The following PPP6C variants were observed in gnomAD, a reference collection of about 807,000 sequenced individuals.
PPP6C encodes protein phosphatase 6 catalytic subunit, also known as serine/threonine-protein phosphatase 6 catalytic subunit.
In PPP6C, 11 loss-of-function variants were observed where a neutral mutation model predicts 39.8. That is an observed-to-expected ratio of 0.28 (90% CI 0.17 to 0.46). The LOEUF is 0.46. Among genes scored for constraint, PPP6C ranks in the 20% least tolerant of loss-of-function variants. The probability of loss-of-function intolerance (pLI) is 1.00; values close to 1 mark genes in which losing one functional copy is unlikely to be tolerated. For missense variants in PPP6C, 211 were observed against 373.9 expected, an observed-to-expected ratio of 0.56 and a Z score of 3.59; for synonymous variants, 129 against 130.3, an observed-to-expected ratio of 0.99 and a Z score of 0.07.
intron 3 of PPP6C, among the ~76,000 whole-genome samples, chr9:125,159,820 C>A (rs1334746486): frequency 6.6e-6 from 1 of 152,088 alleles, no homozygotes; most frequent in Non-Finnish European, 1.5e-5. Flanking sequence ...TCAAGAGATC[C>A]AGACCATCCT....
chr9:125,155,061 C>T (rs1836035434), intron 4 of PPP6C, among the ~76,000 whole-genome samples: 1 of 152,176 alleles, frequency 6.6e-6, no homozygotes. Flanking sequence ...GCAAGTGCCA[C>T]CACACCTGGC....
At chr9:125,179,611 G>A (rs912662349) in intron 1 of PPP6C, among the ~76,000 whole-genome samples, 2 of 151,176 alleles carry the variant, frequency 1.3e-5, no homozygotes, top group African/African-American at 2.4e-5. Flanking sequence ...CCCTAGACAT[G>A]GGCTTGGCTA....
In PPP6C at chr9:125,158,444, T is replaced by C. The variant is rs1442148237; in HGVS notation, c.238-62A>G. On this transcript the variant is annotated intron_variant, in intron 3 of 6. Transcript: ENST00000373547. Reference sequence around the variant, plus strand: ...TAGCCACAATATTCTTTTCAAATTATATCAAACTGTACAAACATATAGTTT... The same window carrying C: ...TAGCCACAATATTCTTTTCAAATTACATCAAACTGTACAAACATATAGTTT... The C allele has an allele frequency of 3.4e-6, 5 of 1,486,610 alleles. No individual in the cohort carries two copies. In the African/African-American group the frequency reaches 4.2e-5, roughly 12 times the overall value. 92.1% of individuals were successfully genotyped at this position (1,486,610 alleles called of 1,614,324 possible). A position where few individuals can be genotyped will look rare whatever the true frequency, so the allele number is the denominator to read the frequency against.
At chr9:125,171,871 T>C in intron 1 of PPP6C, 1 of 459,448 alleles carries the variant, frequency 2.2e-6, no homozygotes, top group African/African-American at 2.0e-5. Flanking sequence ...GATTTTTATC[T>C]GGTAATTTAA....
At chr9:125,166,199 C>A (rs371031808) in intron 2 of PPP6C, among the ~76,000 whole-genome samples, 5 of 152,120 alleles carry the variant, frequency 3.3e-5, no homozygotes, top group African/African-American at 7.2e-5. Flanking sequence ...CATTTTATAT[C>A]ATCAAAAAAC....
At position 125,149,595 on chromosome 9, in the gene PPP6C, G is replaced by C; in HGVS notation, c.*78C>G. The C allele has an allele frequency of 6.8e-7, 1 of 1,462,406 alleles. No individual in the cohort carries two copies. 90.6% of individuals were successfully genotyped at this position (1,462,406 alleles called of 1,614,324 possible). On this transcript the variant is annotated 3_prime_UTR_variant, in exon 7 of 7. Coordinates refer to ENST00000373547, the MANE Select transcript of PPP6C (RefSeq NM_002721.5). ...TCAGCAGCAAAGTGCTCAATAAAAA[G>C]TATATTGTAGAGGGTAATACAAGAA...
chr9:125,155,821 C>T (rs1836055344), intron 4 of PPP6C, among the ~76,000 whole-genome samples: 1 of 149,538 alleles, frequency 6.7e-6, no homozygotes, highest in Non-Finnish European at 1.5e-5. Context: ...AGGAGAATGG[C>T]GTGAACCCAG....
chr9:125,154,763 C>T (rs190889187), intron 4 of PPP6C, among the ~76,000 whole-genome samples: 2 of 152,310 alleles, frequency 1.3e-5, no homozygotes, highest in Admixed American at 6.5e-5. Flanking sequence ...CTTCTCAGGG[C>T]TAAGTTGTCT....
chr9:125,154,890 C>T (rs1265772349), intron 4 of PPP6C, among the ~76,000 whole-genome samples: 1 of 152,158 alleles, frequency 6.6e-6, no homozygotes, highest in Non-Finnish European at 1.5e-5. Flanking sequence ...CTTTCTGCTG[C>T]CTACGTAGTT....
chr9:125,166,265 A>C (rs1479859296), intron 2 of PPP6C, among the ~76,000 whole-genome samples: 4 of 152,190 alleles, frequency 2.6e-5, no homozygotes, highest in Non-Finnish European at 5.9e-5. Flanking sequence ...TAAGTGTCGG[A>C]AACTGTTAGC....
chr9:125,181,568 G>A (rs754492114), intron 1 of PPP6C, among the ~76,000 whole-genome samples: 4 of 151,982 alleles, frequency 2.6e-5, no homozygotes, highest in Non-Finnish European at 4.4e-5. Context: ...TCCCGCTTAC[G>A]AGTGAGAACA....
At chr9:125,160,800 C>T (rs766788739) in intron 3 of PPP6C, 41 bp downstream of exon 3, 3 of 1,365,624 alleles carry the variant, frequency 2.2e-6, no homozygotes, top group South Asian at 1.3e-5. Flanking sequence ...CAGATCCTTT[C>T]CATTTTAAAC....
chr9:125,182,782 C>T (rs1390425699), intron 1 of PPP6C, among the ~76,000 whole-genome samples: 1 of 149,278 alleles, frequency 6.7e-6, no homozygotes, highest in Non-Finnish European at 1.5e-5. Context: ...CCCACCCCTC[C>T]CCTGACCCAG....
chr9:125,157,720 C>T (rs1375694404), intron 4 of PPP6C, among the ~76,000 whole-genome samples: 1 of 136,824 alleles, frequency 7.3e-6, no homozygotes, highest in Non-Finnish European at 1.5e-5. Flanking sequence ...GAGACGGAGT[C>T]TCCCTATGTC....
chr9:125,165,795 CTTTT>C (rs781221037), intron 2 of PPP6C, among the ~76,000 whole-genome samples: 3 of 113,616 alleles, frequency 2.6e-5, no homozygotes, highest in Non-Finnish European at 3.5e-5. Flanking sequence ...TAATCTTTTG[CTTTT>C]TTTTTTTTTT....
chr9:125,159,782 C>G (rs1828814156), intron 3 of PPP6C, among the ~76,000 whole-genome samples: 2 of 152,186 alleles, frequency 1.3e-5, no homozygotes, highest in African/African-American at 4.8e-5. Flanking sequence ...GAGGCCAAGG[C>G]AGGGGCCGAG....
At chr9:125,158,639 G>GA (rs148987834) in intron 3 of PPP6C, among the ~76,000 whole-genome samples, 2,681 of 145,050 alleles carry the variant, frequency 0.018, 104 homozygotes, top group Admixed American at 0.086. Context: ...AACTTTCCCT[G>GA]AAAAAAAAAA....
chr9:125,172,240 CAG>C (rs975450740), intron 1 of PPP6C, among the ~76,000 whole-genome samples: 2 of 151,262 alleles, frequency 1.3e-5, no homozygotes, highest in African/African-American at 4.9e-5. Flanking sequence ...TTTTTTGAGA[CAG>C]AGTCTTGGTC....
chr9:125,175,213 AAAC>A (rs1280334076), intron 1 of PPP6C, among the ~76,000 whole-genome samples: 1 of 152,068 alleles, frequency 6.6e-6, no homozygotes, highest in Non-Finnish European at 1.5e-5. Context: ...TTTCAAAAAA[AAAC>A]AAAAACAAAA....
Sources: allele counts gnomAD v4.1 joint callset (sites outside exome capture counted in the v4.1 genomes callset), GRCh38; gene constraint gnomAD v4.1.1; transcripts MANE v1.5; gene names NCBI Gene and HGNC (gene_info 2026-07-23, HGNC 2026-07-21).